CPQ: variants seen among roughly 807,000 people sequenced by gnomAD.
CPQ encodes the protein Ser-Met dipeptidase.
Under a neutral mutation model 45.7 loss-of-function variants are expected in CPQ, and 37 were observed. The ratio of observed to expected loss-of-function variants is 0.81; its 90% CI spans 0.62 to 1.07. The LOEUF is 1.07. Ranked by LOEUF, CPQ falls within the 50% of genes least tolerant of loss-of-function variation. The probability of loss-of-function intolerance (pLI) is 0.00; values close to 1 mark genes in which losing one functional copy is unlikely to be tolerated. For missense variants in CPQ, 537 were observed against 572.9 expected, an observed-to-expected ratio of 0.94 and a Z score of 0.64; for synonymous variants, 186 against 205.8, an observed-to-expected ratio of 0.90 and a Z score of 0.82.
chr8:97,139,249 T>A (rs1812114903), intron 7 of CPQ, among the ~76,000 whole-genome samples: 1 of 152,204 alleles, frequency 6.6e-6, no homozygotes, highest in South Asian at 2.1e-4. Context: ...TTGAAATATA[T>A]TTTAAAAAAT....
intron 3 of CPQ, among the ~76,000 whole-genome samples, chr8:96,861,001 G>A (rs570659983): frequency 3.3e-5 from 5 of 152,172 alleles, no homozygotes; most frequent in South Asian, 2.1e-4. Flanking sequence ...GAAATATAAC[G>A]GAGGAAGGGT....
intron 3 of CPQ, among the ~76,000 whole-genome samples, chr8:96,854,550 A>AC (rs1811818201): frequency 8.4e-6 from 1 of 119,038 alleles, no homozygotes; most frequent in Non-Finnish European, 1.8e-5. Flanking sequence ...AAAAAAAAAA[A>AC]AAAAAAAAAT....
chr8:96,744,443 C>T (rs28702914), intron 1 of CPQ, among the ~76,000 whole-genome samples: 5,606 of 152,312 alleles, frequency 0.037, 270 homozygotes, highest in African/African-American at 0.1. Context: ...TCTTCTGCGT[C>T]GGTCATGCTG....
intron 5 of CPQ, among the ~76,000 whole-genome samples, chr8:97,005,175 G>A (rs771417819): frequency 3.0e-4 from 46 of 151,078 alleles, no homozygotes; most frequent in African/African-American, 6.8e-4. Flanking sequence ...TCCGCCTCCC[G>A]GGTTCAAGCG....
At chr8:96,724,787 C>G (rs1270652676) in intron 1 of CPQ, among the ~76,000 whole-genome samples, 1 of 152,012 alleles carries the variant, frequency 6.6e-6, no homozygotes, top group Non-Finnish European at 1.5e-5. Context: ...CAGAAAGGAG[C>G]CTGAATAAAC....
intron 5 of CPQ, among the ~76,000 whole-genome samples, chr8:97,002,218 G>A (rs1809296215): frequency 6.6e-6 from 1 of 151,858 alleles, no homozygotes; most frequent in Non-Finnish European, 1.5e-5. Flanking sequence ...ATCAACTCTT[G>A]GACTTGTTGA....
chr8:97,057,215 G>A (rs915750003), intron 6 of CPQ, among the ~76,000 whole-genome samples: 2 of 152,112 alleles, frequency 1.3e-5, no homozygotes, highest in African/African-American at 4.8e-5. Context: ...CAAAATAACT[G>A]TTGAATAAAT....
intron 7 of CPQ, among the ~76,000 whole-genome samples, chr8:97,121,888 G>GCCA (rs1811708320): frequency 6.6e-6 from 1 of 152,048 alleles, no homozygotes; most frequent in African/African-American, 2.4e-5. Context: ...GGGCTCAACA[G>GCCA]TAGATTAGAT....
intron 4 of CPQ, among the ~76,000 whole-genome samples, chr8:96,954,475 C>CT (rs1016898415): frequency 6.6e-6 from 1 of 151,902 alleles, no homozygotes; most frequent in Non-Finnish European, 1.5e-5. Flanking sequence ...AGTGAACAGT[C>CT]TTTTTTTAAT....
At chr8:96,912,097 C>T (rs1812672301) in intron 4 of CPQ, among the ~76,000 whole-genome samples, 1 of 152,084 alleles carries the variant, frequency 6.6e-6, no homozygotes, top group African/African-American at 2.4e-5. Flanking sequence ...CCTTTCTGAC[C>T]CCCCAGAACC....
intron 1 of CPQ, among the ~76,000 whole-genome samples, chr8:96,697,212 T>G (rs1478458209): frequency 3.9e-5 from 6 of 152,188 alleles, no homozygotes; most frequent in African/African-American, 9.6e-5. Context: ...GCAAGTATCC[T>G]CAACATATGC....
intron 5 of CPQ, among the ~76,000 whole-genome samples, chr8:96,970,170 A>T (rs1813640947): frequency 6.6e-6 from 1 of 152,222 alleles, no homozygotes; most frequent in African/African-American, 2.4e-5. Flanking sequence ...GTAACAGAGA[A>T]GAAAATGAAC....
intron 4 of CPQ, among the ~76,000 whole-genome samples, chr8:96,894,624 A>G (rs115230381): frequency 0.016 from 2,410 of 152,360 alleles, 62 homozygotes; most frequent in African/African-American, 0.052. Context: ...TTGAGTCTGC[A>G]AGAAATTTAG....
intron 1 of CPQ, among the ~76,000 whole-genome samples, chr8:96,681,878 C>T (rs1046422623): frequency 1.3e-5 from 2 of 152,110 alleles, no homozygotes; most frequent in Non-Finnish European, 2.9e-5. Context: ...TTTGGAATGC[C>T]CTGCTGGATT....
At chr8:96,776,159 C>A (rs1177487705) in intron 1 of CPQ, among the ~76,000 whole-genome samples, 1 of 152,120 alleles carries the variant, frequency 6.6e-6, no homozygotes, top group Admixed American at 6.6e-5. Context: ...ATTATATGAG[C>A]TTTGAATAAA....
At chr8:96,659,284 A>G (rs1290073122) in intron 1 of CPQ, 1 of 152,080 alleles carries the variant, frequency 6.6e-6, no homozygotes, top group Non-Finnish European at 1.5e-5. Flanking sequence ...ACCATTTCAG[A>G]GTTCCTACCA....
chr8:97,085,439 T>C (rs1563576059), intron 7 of CPQ, among the ~76,000 whole-genome samples: 1 of 151,922 alleles, frequency 6.6e-6, no homozygotes, highest in Non-Finnish European at 1.5e-5. Flanking sequence ...TATGCCCTCT[T>C]TCTTTTGGAT....
At chr8:96,956,232 A>G (rs1486021255) in intron 4 of CPQ, among the ~76,000 whole-genome samples, 2 of 152,182 alleles carry the variant, frequency 1.3e-5, no homozygotes, top group East Asian at 3.9e-4. Flanking sequence ...TGTTCTCTCC[A>G]GCAGGTCTAT....
chr8:97,065,512 T>C lies in CPQ; in HGVS notation c.1054-497T>C, dbSNP rs1016613349. On this transcript the variant is annotated intron_variant, in intron 6 of 7. Coordinates refer to ENST00000220763, the MANE Select transcript of CPQ (RefSeq NM_016134.4). ...AGAACCCCAAGACAAACCTGTCAGC[T>C]TGATGCCTTTAAGCTTCGGCAGAAC... is the stretch of plus-strand genomic sequence containing the variant. Among the ~76,000 whole-genome samples, 9 of 152,272 alleles carry C rather than the reference T, an allele frequency of 5.9e-5. No individual in the cohort carries two copies. The South Asian group carries it at 1.0e-3, about 18-fold the overall frequency.
Sources: allele counts gnomAD v4.1 joint callset (sites outside exome capture counted in the v4.1 genomes callset), GRCh38; gene constraint gnomAD v4.1.1; transcripts MANE v1.5; gene names NCBI Gene and HGNC (gene_info 2026-07-23, HGNC 2026-07-21).